The following LRRTM4 variants were observed in gnomAD, a reference collection of about 807,000 sequenced individuals.
LRRTM4 encodes the protein leucine-rich repeat transmembrane neuronal protein 4.
LRRTM4 carries 25 observed loss-of-function variants against 47.6 expected under a neutral mutation model. The observed-to-expected ratio is 0.53, with a 90% CI of 0.38 to 0.73. The LOEUF is 0.73. Ranked by LOEUF, LRRTM4 falls within the 30% of genes least tolerant of loss-of-function variation. The pLI is 0.00. For synonymous variants in LRRTM4, 311 were observed against 269.5 expected (o/e 1.15, Z -1.51); for missense variants, 638 against 713.4 (o/e 0.89, Z 1.20).
chr2:76,818,369 G>GA (rs984394175), intron 3 of LRRTM4, among the ~76,000 whole-genome samples: 4 of 151,316 alleles, frequency 2.6e-5, no homozygotes, highest in African/African-American at 7.3e-5. Flanking sequence ...GCTGCAAGCA[G>GA]AAAAAAAATA....
chr2:77,022,225 G>A (rs1277531112), intron 3 of LRRTM4, among the ~76,000 whole-genome samples: 1 of 152,022 alleles, frequency 6.6e-6, no homozygotes, highest in Non-Finnish European at 1.5e-5. Flanking sequence ...TCACTACCAT[G>A]GGAACAGTAT....
At chr2:77,080,504 A>G (rs1305556374) in intron 3 of LRRTM4, among the ~76,000 whole-genome samples, 1 of 152,172 alleles carries the variant, frequency 6.6e-6, no homozygotes, top group African/African-American at 2.4e-5. Flanking sequence ...TCTAACAGGC[A>G]AATCAAATTT....
At chr2:77,496,117 T>C (rs1678353901) in intron 3 of LRRTM4, among the ~76,000 whole-genome samples, 1 of 151,970 alleles carries the variant, frequency 6.6e-6, no homozygotes, top group South Asian at 2.1e-4. Flanking sequence ...ATTTTTATAC[T>C]ATGAATGGAA....
At chr2:77,316,604 A>G (rs2104213189) in intron 3 of LRRTM4, among the ~76,000 whole-genome samples, 1 of 151,548 alleles carries the variant, frequency 6.6e-6, no homozygotes, top group African/African-American at 2.4e-5. Context: ...GCTGGAGTGC[A>G]GTGCGTATCC....
At chr2:76,867,323 A>G (rs1326416376) in intron 3 of LRRTM4, among the ~76,000 whole-genome samples, 4 of 152,322 alleles carry the variant, frequency 2.6e-5, no homozygotes, top group South Asian at 2.1e-4. Flanking sequence ...GAGGCTTTAC[A>G]ACAAACTCTG....
At chr2:76,849,755 C>T (rs1204607823) in intron 3 of LRRTM4, among the ~76,000 whole-genome samples, 4 of 151,998 alleles carry the variant, frequency 2.6e-5, no homozygotes, top group Non-Finnish European at 4.4e-5. Context: ...GTATTTGAAT[C>T]TGTATTTTAT....
chr2:77,030,295 G>T (rs563962135), intron 3 of LRRTM4, among the ~76,000 whole-genome samples: 2 of 152,042 alleles, frequency 1.3e-5, no homozygotes, highest in African/African-American at 4.8e-5. Flanking sequence ...TTAGCTGGGT[G>T]TGGTGGTATG....
intron 3 of LRRTM4, among the ~76,000 whole-genome samples, chr2:77,023,663 A>T (rs1324718068): frequency 6.6e-6 from 1 of 152,142 alleles, no homozygotes; most frequent in Non-Finnish European, 1.5e-5. Context: ...AAAACATAAC[A>T]AGAGTCACCT....
At chr2:77,216,316 C>G (rs1009791141) in intron 3 of LRRTM4, among the ~76,000 whole-genome samples, 1 of 152,218 alleles carries the variant, frequency 6.6e-6, no homozygotes, top group Non-Finnish European at 1.5e-5. Context: ...TATAGTGATT[C>G]GAAGGCAAGT....
Position 76,846,437 on chromosome 2 carries a change from C to A in LRRTM4, c.1552-97521G>T, listed in dbSNP as rs76203792. Among the ~76,000 whole-genome samples, 4 of 152,066 alleles carry A rather than the reference C, an allele frequency of 2.6e-5. No individual in the cohort carries two copies. In the East Asian group the frequency reaches 7.7e-4, roughly 29 times the overall value. Reference sequence around the variant, plus strand: ...TCACAAACATATTATTAAAATGGATCAAAATTCAGATTTTATTCCATTTAT... The same window carrying A: ...TCACAAACATATTATTAAAATGGATAAAAATTCAGATTTTATTCCATTTAT... On this transcript the variant is annotated intron_variant, in intron 3 of 3. Transcript: ENST00000409884.
At chr2:77,014,143 G>T (rs1677971280) in intron 3 of LRRTM4, among the ~76,000 whole-genome samples, 1 of 152,058 alleles carries the variant, frequency 6.6e-6, no homozygotes, top group South Asian at 2.1e-4. Flanking sequence ...ACAGGCTATG[G>T]ATTAGCAAGG....
chr2:77,485,843 A>T (rs1224598257), intron 3 of LRRTM4, among the ~76,000 whole-genome samples: 6 of 151,940 alleles, frequency 3.9e-5, no homozygotes, highest in Non-Finnish European at 7.4e-5. Context: ...TGATCCTCCC[A>T]TCTCAGCCTC....
chr2:77,057,487 C>A (rs1679648425), intron 3 of LRRTM4, among the ~76,000 whole-genome samples: 1 of 152,178 alleles, frequency 6.6e-6, no homozygotes, highest in Admixed American at 6.5e-5. Context: ...TAGTAACATG[C>A]AATTTAGTTG....
intron 3 of LRRTM4, among the ~76,000 whole-genome samples, chr2:77,493,840 G>T (rs1678259349): frequency 1.3e-5 from 2 of 151,984 alleles, no homozygotes. Flanking sequence ...CATATGAAAA[G>T]CTTGTGTAAT....
At chr2:77,259,207 TG>T (rs1193380256) in intron 3 of LRRTM4, among the ~76,000 whole-genome samples, 2 of 152,152 alleles carry the variant, frequency 1.3e-5, no homozygotes, top group African/African-American at 4.8e-5. Flanking sequence ...TAAACTTAGA[TG>T]TGAATTCTGA....
At chr2:77,136,747 C>T (rs1671956149) in intron 3 of LRRTM4, among the ~76,000 whole-genome samples, 1 of 149,870 alleles carries the variant, frequency 6.7e-6, no homozygotes, top group Non-Finnish European at 1.5e-5. Flanking sequence ...AGATGAATGG[C>T]TAACTAGAAT....
At chr2:77,125,224 C>A (rs1671623263) in intron 3 of LRRTM4, among the ~76,000 whole-genome samples, 1 of 152,224 alleles carries the variant, frequency 6.6e-6, no homozygotes, top group East Asian at 1.9e-4. Flanking sequence ...CAAAAGAAAT[C>A]CATATTTAGG....
At chr2:76,822,546 G>C (rs76297371) in intron 3 of LRRTM4, among the ~76,000 whole-genome samples, 4,004 of 151,480 alleles carry the variant, frequency 0.026, 178 homozygotes, top group African/African-American at 0.078. Context: ...ACTTTCAGAG[G>C]CAAAAAGCTC....
At chr2:77,138,400 A>T (rs1672013695) in intron 3 of LRRTM4, among the ~76,000 whole-genome samples, 1 of 152,214 alleles carries the variant, frequency 6.6e-6, no homozygotes, top group South Asian at 2.1e-4. Context: ...TGAAGGCAGA[A>T]ATAAAGATGT....
Sources: allele counts gnomAD v4.1 joint callset (sites outside exome capture counted in the v4.1 genomes callset), GRCh38; gene constraint gnomAD v4.1.1; transcripts MANE v1.5; gene names NCBI Gene and HGNC (gene_info 2026-07-23, HGNC 2026-07-21).